The following CDK13 variants were observed in gnomAD, a reference collection of about 807,000 sequenced individuals.
The protein encoded by CDK13 is cyclin dependent kinase 13.
In CDK13, 40 loss-of-function variants were observed where a neutral mutation model predicts 137.6. The ratio of observed to expected loss-of-function variants is 0.29; its 90% CI spans 0.23 to 0.38. The LOEUF is 0.38. Among genes scored for constraint, CDK13 ranks in the 10% least tolerant of loss-of-function variants. The pLI is 1.00. For synonymous variants in CDK13, 869 were observed against 760.1 expected (o/e 1.14, Z -2.36); for missense variants, 1,704 against 1,951.8 (o/e 0.87, Z 2.39).
Position 39,997,481 on chromosome 7 carries a change from C to T in CDK13, c.1872-13C>T. On this transcript the variant is annotated splice_polypyrimidine_tract_variant and intron_variant, in intron 2 of 13. Transcript: ENST00000181839. ...AATTTTTGTTTTATTTGTCTGACTT[C>T]TTTCACTTTCAGCTTACGAGGAAAT... 1 of 1,582,982 alleles carries T rather than the reference C, an allele frequency of 6.3e-7. No individual in the cohort carries two copies. Among genetic ancestry groups the T allele is most frequent in the African/African-American group, 1.4e-5 (1 of 72,620 alleles).
intron 11 of CDK13, among the ~76,000 whole-genome samples, chr7:40,079,824 T>G (rs964818593): frequency 6.6e-6 from 1 of 152,162 alleles, no homozygotes; most frequent in African/African-American, 2.4e-5. Context: ...GGGAAATATA[T>G]AGAGTTTGGG....
At chr7:40,039,216 G>A (rs1377973954) in intron 5 of CDK13, among the ~76,000 whole-genome samples, 2 of 151,876 alleles carry the variant, frequency 1.3e-5, no homozygotes, top group South Asian at 2.1e-4. Context: ...CTGTAAGGTC[G>A]TTGATCTTTT....
In CDK13 at chr7:40,099,316, TAACTC is replaced by T. The variant is rs1007796194; in HGVS notation, c.*4338_*4342del. On this transcript the variant is annotated 3_prime_UTR_variant, in exon 14 of 14. Transcript: ENST00000181839. ...ATGGACTAACAGAGTCTGCAGGTCT[TAACTC>T]ATTTCAGCCTGTCAAATGTGCAATT... is the stretch of plus-strand genomic sequence containing the variant. The T allele has an allele frequency of 9.8e-5, 15 of 152,322 alleles. No individual in the cohort carries two copies. In the South Asian group the frequency reaches 1.2e-3, roughly 13 times the overall value. The allele number at this position is 152,322 out of a possible 1,614,324, so 9.4% of individuals were successfully genotyped here. A position where few individuals can be genotyped will look rare whatever the true frequency, so the allele number is the denominator to read the frequency against.
chr7:40,041,646 C>G (rs757724462), intron 5 of CDK13, among the ~76,000 whole-genome samples: 1 of 152,142 alleles, frequency 6.6e-6, no homozygotes, highest in Non-Finnish European at 1.5e-5. Flanking sequence ...TTTTATCTTT[C>G]TGTGTTACAT....
At chr7:39,975,866 CAG>C (rs1387814991) in intron 1 of CDK13, among the ~76,000 whole-genome samples, 2 of 152,176 alleles carry the variant, frequency 1.3e-5, no homozygotes, top group Non-Finnish European at 1.5e-5. Flanking sequence ...GAAACCACTA[CAG>C]AGTTTTAAGC....
chr7:39,999,581 AAATTTTCCAAAAAATTAAATTCAATTTT>A, intron 4 of CDK13, 81 bp downstream of exon 4: 1 of 1,350,408 alleles, frequency 7.4e-7, no homozygotes, highest in Non-Finnish European at 1.0e-6. Flanking sequence ...TTGGCTTCAG[AAATTTTCCAAAAAATTAAATTCAATTTT>A]ATTGTGCTTT....
intron 5 of CDK13, among the ~76,000 whole-genome samples, chr7:40,030,070 A>G (rs1479075449): frequency 1.3e-5 from 2 of 152,178 alleles, no homozygotes; most frequent in East Asian, 1.9e-4. Flanking sequence ...TTTCTAACCC[A>G]TGTTTAGCGG....
intron 9 of CDK13, among the ~76,000 whole-genome samples, chr7:40,064,755 C>T (rs537831933): frequency 2.0e-5 from 3 of 151,052 alleles, no homozygotes; most frequent in African/African-American, 7.3e-5. Flanking sequence ...AAGGAGTTCA[C>T]CTGAAACATA....
At chr7:40,031,843 A>G (rs888065985) in intron 5 of CDK13, among the ~76,000 whole-genome samples, 14 of 146,674 alleles carry the variant, frequency 9.5e-5, no homozygotes, top group African/African-American at 3.0e-4. Context: ...TATTATTATT[A>G]TTATTATTAT....
At chr7:39,961,752 C>G (rs1783739154) in intron 1 of CDK13, among the ~76,000 whole-genome samples, 1 of 151,894 alleles carries the variant, frequency 6.6e-6, no homozygotes, top group African/African-American at 2.4e-5. Context: ...CATCATTTAA[C>G]ATTAGGTATA....
intron 1 of CDK13, among the ~76,000 whole-genome samples, chr7:39,958,189 G>C (rs143980607): frequency 1.1e-3 from 156 of 148,512 alleles, no homozygotes; most frequent in African/African-American, 3.6e-3. Context: ...GTTAGTGAGA[G>C]GAACCGAAAA....
Position 40,098,848 on chromosome 7 carries a change from A to G in CDK13, c.*3868A>G, listed in dbSNP as rs1787093027. The stretch of plus-strand genomic sequence containing the variant: ...GCTTTAAAAAGTCTGCTTAAAAAAC[A>G]ATTTTTATTTAGAAAAAATAGAAAA... On this transcript the variant is annotated 3_prime_UTR_variant, in exon 14 of 14. Coordinates refer to ENST00000181839, the MANE Select transcript of CDK13 (RefSeq NM_003718.5). 1 of 152,110 alleles carries G rather than the reference A, an allele frequency of 6.6e-6. No homozygotes were observed. The highest frequency in any genetic ancestry group is 2.4e-5 in the African/African-American group (1 of 41,464). The allele number at this position is 152,110 out of a possible 1,614,324, so 9.4% of individuals were successfully genotyped here. A position where few individuals can be genotyped will look rare whatever the true frequency, so the allele number is the denominator to read the frequency against.
intron 9 of CDK13, among the ~76,000 whole-genome samples, chr7:40,075,518 CTG>C (rs1176808249): frequency 2.0e-5 from 3 of 151,320 alleles, no homozygotes; most frequent in Non-Finnish European, 4.4e-5. Context: ...TATAATGAAA[CTG>C]TTGTTTATTA....
chr7:40,048,065 CA>C (rs1785789780), intron 7 of CDK13, 188 bp downstream of exon 7: 7 of 397,642 alleles, frequency 1.8e-5, no homozygotes, highest in Non-Finnish European at 3.1e-5. Flanking sequence ...TACATTATCT[CA>C]ATTTAAAAAT....
At chr7:40,055,243 T>C (rs1306991415) in intron 7 of CDK13, among the ~76,000 whole-genome samples, 2 of 151,876 alleles carry the variant, frequency 1.3e-5, no homozygotes, top group South Asian at 4.1e-4. Context: ...TCTAATTATG[T>C]AAAGTGGAGT....
intron 7 of CDK13, among the ~76,000 whole-genome samples, chr7:40,058,022 G>A (rs1184731957): frequency 2.0e-5 from 3 of 152,170 alleles, no homozygotes; most frequent in African/African-American, 7.2e-5. Flanking sequence ...AACGACTATA[G>A]TGTCAAAGTA....
intron 5 of CDK13, among the ~76,000 whole-genome samples, chr7:40,033,014 A>G (rs1295933261): frequency 1.3e-5 from 2 of 152,182 alleles, no homozygotes; most frequent in African/African-American, 4.8e-5. Context: ...GAGTCTGTCT[A>G]TGTGCATGGC....
chr7:40,007,312 T>C (rs577086062), intron 5 of CDK13, among the ~76,000 whole-genome samples: 1 of 152,362 alleles, frequency 6.6e-6, no homozygotes, highest in South Asian at 2.1e-4. Flanking sequence ...AGTCCTCACA[T>C]GTCACTCCCT....
intron 2 of CDK13, among the ~76,000 whole-genome samples, chr7:39,994,934 A>AT (rs962102911): frequency 1.5e-3 from 228 of 151,662 alleles, no homozygotes; most frequent in African/African-American, 5.2e-3. Context: ...TCTTCCTTGA[A>AT]TTTTTTTTGG....
Sources: gnomAD v4.1 joint callset for allele counts (sites outside exome capture counted in the v4.1 genomes callset) on GRCh38, gnomAD v4.1.1 for gene constraint, MANE v1.5 for transcripts, NCBI Gene and HGNC (gene_info 2026-07-23, HGNC 2026-07-21) for gene names.